The following DCUN1D4 variants were observed in gnomAD, a reference collection of about 807,000 sequenced individuals.
The protein encoded by DCUN1D4 is defective in cullin neddylation 1 domain containing 4.
Under a neutral mutation model 47.9 loss-of-function variants are expected in DCUN1D4, and 22 were observed. That is an observed-to-expected ratio of 0.46 (90% CI 0.33 to 0.66). The LOEUF is 0.66. Among genes scored for constraint, DCUN1D4 ranks in the 30% least tolerant of loss-of-function variants. DCUN1D4 has a pLI of 0.02. For synonymous variants in DCUN1D4, 121 were observed against 112.2 expected (o/e 1.08, Z -0.50); for missense variants, 301 against 340.8 (o/e 0.88, Z 0.92).
chr4:51,895,851 A>AT (rs929003410), intron 7 of DCUN1D4, among the ~76,000 whole-genome samples: 1 of 152,130 alleles, frequency 6.6e-6, no homozygotes, highest in Non-Finnish European at 1.5e-5. Flanking sequence ...ACTTCTACAC[A>AT]TTTTTTTATA....
intron 6 of DCUN1D4, among the ~76,000 whole-genome samples, chr4:51,889,094 G>A (rs923758278): frequency 2.6e-5 from 4 of 152,066 alleles, no homozygotes; most frequent in African/African-American, 4.8e-5. Flanking sequence ...GGGCAACAGA[G>A]TGAGACTCTG....
intron 8 of DCUN1D4, among the ~76,000 whole-genome samples, chr4:51,901,777 T>A (rs1462726941): frequency 1.3e-5 from 2 of 152,246 alleles, no homozygotes; most frequent in African/African-American, 4.8e-5. Context: ...TCTTTCTTTG[T>A]ACATCCTTTG....
chr4:51,855,165 ACT>A (rs979129501), intron 1 of DCUN1D4, among the ~76,000 whole-genome samples: 35 of 152,168 alleles, frequency 2.3e-4, no homozygotes, highest in African/African-American at 8.0e-4. Context: ...CTGTTGTGTG[ACT>A]CTGCTGATAT....
intron 1 of DCUN1D4, among the ~76,000 whole-genome samples, chr4:51,854,303 A>G (rs1453120521): frequency 6.6e-6 from 1 of 152,162 alleles, no homozygotes; most frequent in Admixed American, 6.6e-5. Flanking sequence ...TTTATGGTAC[A>G]TTTTATATTT....
At chr4:51,884,212 G>A (rs1400623745) in intron 5 of DCUN1D4, 1 of 152,124 alleles carries the variant, frequency 6.6e-6, no homozygotes, top group East Asian at 1.9e-4. Context: ...TTGAACTTTA[G>A]GGGGAGCCAA....
chr4:51,874,297 G>T lies in DCUN1D4; in HGVS notation c.163G>T (p.Asp55Tyr). ...AAGTCTGCGGTCTTGCAGTTCTTCA[G>T]ACTGCTTTAATAAAGTGATGCCACC... Reference protein sequence around the residue: ...TGSLRSCSSSDCFNKVMPPRK... With the variant: ...TGSLRSCSSSYCFNKVMPPRK... Residue 55 changes from aspartate (D) to tyrosine (Y), a missense_variant, in exon 4 of 11, where the codon GAC becomes TAC. By Grantham distance (160) the Asp-to-Tyr change is radical (BLOSUM62 -3). This residue lies in a region of DCUN1D4 where 131 missense variants were observed against 106.3 expected (regional missense o/e 1.23). Transcript: ENST00000334635. The T allele has an allele frequency of 1.2e-6, 2 of 1,612,832 alleles. No individual in the cohort carries two copies. Among genetic ancestry groups the T allele is most frequent in the South Asian group, 2.2e-5 (2 of 90,816 alleles).
chr4:51,852,065 A>C (rs1723457680), intron 1 of DCUN1D4, among the ~76,000 whole-genome samples: 1 of 152,110 alleles, frequency 6.6e-6, no homozygotes. Flanking sequence ...TGACAGAGCC[A>C]GCTGATGGAT....
At chr4:51,886,346 C>A (rs746678576) in intron 5 of DCUN1D4, among the ~76,000 whole-genome samples, 1 of 152,110 alleles carries the variant, frequency 6.6e-6, no homozygotes, top group Non-Finnish European at 1.5e-5. Flanking sequence ...CATATTCCAA[C>A]GATTGAAGGA....
At chr4:51,861,483 A>T (rs942593860) in intron 1 of DCUN1D4, among the ~76,000 whole-genome samples, 3 of 152,180 alleles carry the variant, frequency 2.0e-5, no homozygotes, top group African/African-American at 7.2e-5. Flanking sequence ...AGGGAGAAAG[A>T]TATAACAGTT....
intron 7 of DCUN1D4, among the ~76,000 whole-genome samples, chr4:51,898,284 C>T (rs1247226956): frequency 6.6e-6 from 1 of 152,120 alleles, no homozygotes; most frequent in Admixed American, 6.5e-5. Flanking sequence ...AGTGCCTTCC[C>T]TGGATGTCAG....
chr4:51,850,032 A>G (rs936672796), intron 1 of DCUN1D4, among the ~76,000 whole-genome samples: 3 of 152,064 alleles, frequency 2.0e-5, no homozygotes, highest in African/African-American at 7.2e-5. Flanking sequence ...CATTACCCCA[A>G]AAGTTCCCTT....
rs1734140763 is a variant in DCUN1D4 at position 51,914,571 on chromosome 4, T to C, written c.*987T>C. The C allele has an allele frequency of 1.3e-5, 2 of 152,592 alleles. No individual in the cohort carries two copies. The highest frequency in any genetic ancestry group is 1.3e-4 in the Admixed American group (2 of 15,276). The allele number at this position is 152,592 out of a possible 1,614,324, so 9.5% of individuals were successfully genotyped here. ...TTCCAGCCTTTTGAGAAAACAAGCATACTATAAGTGAGAGCTGTTTTGTTT... is the reference window on the plus strand; with the variant it reads ...TTCCAGCCTTTTGAGAAAACAAGCACACTATAAGTGAGAGCTGTTTTGTTT... On this transcript the variant is annotated 3_prime_UTR_variant, in exon 11 of 11. Coordinates refer to ENST00000334635, the MANE Select transcript of DCUN1D4 (RefSeq NM_001040402.3).
intron 3 of DCUN1D4, among the ~76,000 whole-genome samples, chr4:51,866,853 C>T (rs1449869967): frequency 2.0e-5 from 3 of 152,186 alleles, no homozygotes; most frequent in African/African-American, 7.2e-5. Flanking sequence ...TGGGGTGTTG[C>T]TTTGCCAGCC....
At chr4:51,837,357 C>A in the DCUN1D4 span, among the ~76,000 whole-genome samples, 2 of 152,184 alleles carry the variant, frequency 1.3e-5, no homozygotes, top group African/African-American at 4.8e-5. Flanking sequence ...GCTAATGCTA[C>A]CCTGATAGTG....
the DCUN1D4 span, among the ~76,000 whole-genome samples, chr4:51,835,070 C>T: frequency 2.6e-4 from 40 of 151,892 alleles, no homozygotes; most frequent in African/African-American, 9.6e-4. Context: ...TTTACTGATG[C>T]TAGGAAAAAA....
intron 1 of DCUN1D4, chr4:51,844,863 G>T (rs900387287): frequency 6.1e-6 from 6 of 985,292 alleles, no homozygotes; most frequent in Non-Finnish European, 7.2e-6. Flanking sequence ...CATGCAGCGC[G>T]CCCTTGGAGC....
chr4:51,906,546 A>G (rs1732923585), intron 8 of DCUN1D4, among the ~76,000 whole-genome samples: 3 of 151,974 alleles, frequency 2.0e-5, no homozygotes, highest in Admixed American at 1.3e-4. Flanking sequence ...CCCAACCTCA[A>G]ACACACGTGT....
At chr4:51,845,877 T>C (rs1722465293) in intron 1 of DCUN1D4, among the ~76,000 whole-genome samples, 1 of 152,194 alleles carries the variant, frequency 6.6e-6, no homozygotes, top group Admixed American at 6.5e-5. Flanking sequence ...CTTGTGGAGA[T>C]CATTTATATC....
chr4:51,837,428 G>A, the DCUN1D4 span, among the ~76,000 whole-genome samples: 2 of 152,130 alleles, frequency 1.3e-5, no homozygotes, highest in Non-Finnish European at 2.9e-5. Flanking sequence ...AGCACTTTGG[G>A]AGGCCGAGGC....
Sources: allele counts gnomAD v4.1 joint callset (sites outside exome capture counted in the v4.1 genomes callset), GRCh38; gene constraint gnomAD v4.1.1; regional missense constraint gnomAD v4.1.1; transcripts MANE v1.5; gene names NCBI Gene and HGNC (gene_info 2026-07-23, HGNC 2026-07-21).